The following SMARCE1 variants were observed in gnomAD, a reference collection of about 807,000 sequenced individuals.
The protein encoded by SMARCE1 is SWI/SNF related BAF chromatin remodeling complex subunit E1, also known as SWI/SNF-related matrix-associated actin-dependent regulator of chromatin subfamily E member 1.
SMARCE1 carries 13 observed loss-of-function variants against 54.9 expected under a neutral mutation model. That is an observed-to-expected ratio of 0.24 (90% CI 0.15 to 0.38). The LOEUF (loss-of-function observed/expected upper bound fraction) is 0.38, where lower values mean the gene tolerates loss of function less well. Among genes scored for constraint, SMARCE1 ranks in the 10% least tolerant of loss-of-function variants. SMARCE1 has a pLI of 1.00. For synonymous variants in SMARCE1, 151 were observed against 175.3 expected, an observed-to-expected ratio of 0.86 and a Z score of 1.10; for missense variants, 295 against 523.8, an observed-to-expected ratio of 0.56 and a Z score of 4.26.
chr17:40,630,955 T>C, intron 9 of SMARCE1, 31 bp from the exon 10 acceptor site: 1 of 1,568,352 alleles, frequency 6.4e-7, no homozygotes, highest in South Asian at 1.1e-5. Flanking sequence ...CTCCGTAATG[T>C]TTTTTCCTTA....
chr17:40,635,143 C>T (rs2037133440), intron 7 of SMARCE1: 1 of 151,878 alleles, frequency 6.6e-6, no homozygotes, highest in Non-Finnish European at 1.5e-5. Flanking sequence ...TTTGTTACTG[C>T]TACTTTAAGA....
At chr17:40,643,820 CG>C (rs1220122250) in intron 3 of SMARCE1, 1 of 152,116 alleles carries the variant, frequency 6.6e-6, no homozygotes, top group Non-Finnish European at 1.5e-5. Flanking sequence ...GAAAAGAGAA[CG>C]GCTGATCAAT....
intron 4 of SMARCE1, among the ~76,000 whole-genome samples, chr17:40,639,215 T>C (rs2037173916): frequency 1.3e-5 from 2 of 152,160 alleles, no homozygotes; most frequent in African/African-American, 4.8e-5. Flanking sequence ...TATAGTTCTT[T>C]CAAGGGGAAA....
In SMARCE1 at chr17:40,625,167, A is replaced by G. The variant is rs559871262; in HGVS notation, c.*3618T>C. 3.5e-4 allele frequency: 54 copies of G among 152,394 alleles called. No individual in the cohort carries two copies. The highest frequency in any genetic ancestry group is 1.3e-3 in the African/African-American group (53 of 41,598). The allele number at this position is 152,394 out of a possible 1,614,324, so 9.4% of individuals were successfully genotyped here. On this transcript the variant is annotated 3_prime_UTR_variant, in exon 11 of 11. Transcript: ENST00000348513. ...TGAAATTGTACACTGGCAATTTCTT[A>G]TGGTTCAACCTAATAGTAAAACATT... is the stretch of plus-strand genomic sequence containing the variant.
At chr17:40,629,470 G>C (rs2037068662) in intron 10 of SMARCE1, 1 of 1,080,818 alleles carries the variant, frequency 9.3e-7, no homozygotes, top group Non-Finnish European at 1.2e-6. Flanking sequence ...ATGAGAGTTA[G>C]TCTGTAGTGC....
chr17:40,642,282 CTATT>C lies in SMARCE1; in HGVS notation c.156+169_156+172del. 3 of 675,176 alleles carry C rather than the reference CTATT, an allele frequency of 4.4e-6. No individual in the cohort carries two copies. The highest frequency in any genetic ancestry group is 3.2e-5 in the South Asian group (2 of 62,404). 41.8% of individuals were successfully genotyped at this position (675,176 alleles called of 1,614,324 possible). A position where few individuals can be genotyped will look rare whatever the true frequency, so the allele number is the denominator to read the frequency against. On this transcript the variant is annotated intron_variant, in intron 4 of 10. Coordinates refer to ENST00000348513, the MANE Select transcript of SMARCE1 (RefSeq NM_003079.5). The surrounding 1 kb of genome is among the most constrained non-coding windows in gnomAD (Gnocchi z 4.6). ...TCTTCTATATACATTCCAGATCTCA[CTATT>C]TATTTTTTCAGTGTGAGATGCTACA...
chr17:40,638,796 CTAAAG>C (rs1382886483), intron 4 of SMARCE1, among the ~76,000 whole-genome samples: 1 of 152,126 alleles, frequency 6.6e-6, no homozygotes, highest in African/African-American at 2.4e-5. Flanking sequence ...TATAGGAAAA[CTAAAG>C]TAACATTTTG....
chr17:40,644,397 T>TG (rs2037231565), intron 3 of SMARCE1: 1 of 151,932 alleles, frequency 6.6e-6, no homozygotes, highest in Non-Finnish European at 1.5e-5. Context: ...TTTCCAAAGC[T>TG]GAAGTACATG....
In SMARCE1 at chr17:40,629,609, C is replaced by T. The variant is rs1330393559; in HGVS notation, c.1028-616G>A. The T allele has an allele frequency of 3.7e-6, 3 of 810,070 alleles. No individual in the cohort carries two copies. The East Asian group carries it at 1.0e-4, about 27-fold the overall frequency. 50.2% of individuals were successfully genotyped at this position (810,070 alleles called of 1,614,324 possible). A position where few individuals can be genotyped will look rare whatever the true frequency, so the allele number is the denominator to read the frequency against. On this transcript the variant is annotated intron_variant, in intron 10 of 10. Transcript: ENST00000348513. The stretch of plus-strand genomic sequence containing the variant: ...AGCATGAGGTTTTAGCTCTAATAGT[C>T]TCAAACGATTTTCTTCAGGTTTTTT...
chr17:40,627,187 GTTCT>G lies in SMARCE1; in HGVS notation c.*1594_*1597del, dbSNP rs1567844108. On this transcript the variant is annotated 3_prime_UTR_variant, in exon 11 of 11. Coordinates refer to ENST00000348513, the MANE Select transcript of SMARCE1 (RefSeq NM_003079.5). ...AAACAGATCTATTTGATACAAATTC[GTTCT>G]TTGACACACAAGGAAACAGATGTCA... The G allele has an allele frequency of 3.3e-5, 5 of 152,126 alleles. No individual in the cohort carries two copies. The highest frequency in any genetic ancestry group is 9.7e-5 in the African/African-American group (4 of 41,424). 9.4% of individuals were successfully genotyped at this position (152,126 alleles called of 1,614,324 possible). A position where few individuals can be genotyped will look rare whatever the true frequency, so the allele number is the denominator to read the frequency against.
intron 7 of SMARCE1, chr17:40,632,736 G>C (rs1047618843): frequency 2.2e-5 from 4 of 180,966 alleles, no homozygotes; most frequent in Non-Finnish European, 4.6e-5. Context: ...AGTAACTTAA[G>C]GCATTTAACA....
Position 40,631,700 on chromosome 17 carries a change from G to C in SMARCE1, c.715-7C>G. On this transcript the variant is annotated splice_polypyrimidine_tract_variant and splice_region_variant and intron_variant, in intron 8 of 10. Coordinates refer to ENST00000348513, the MANE Select transcript of SMARCE1 (RefSeq NM_003079.5). ...GTTCAGCTTCTAGTTTTCGCTGCAA[G>C]ACAGGATCAGGCTTCATAATTGTGT... is the stretch of plus-strand genomic sequence containing the variant. The C allele has an allele frequency of 6.6e-7, 1 of 1,506,316 alleles. No individual in the cohort carries two copies. The highest frequency in any genetic ancestry group is 9.2e-7 in the Non-Finnish European group (1 of 1,082,418). The allele number at this position is 1,506,316 out of a possible 1,614,324, so 93.3% of individuals were successfully genotyped here.
chr17:40,636,584 AAAT>A lies in SMARCE1; in HGVS notation c.238-61_238-59del, dbSNP rs2037147987. 2.8e-6 allele frequency: 4 copies of A among 1,404,360 alleles called. No individual in the cohort carries two copies. In the Middle Eastern group the frequency reaches 7.4e-4, roughly 259 times the overall value. The allele number at this position is 1,404,360 out of a possible 1,614,324, so 87.0% of individuals were successfully genotyped here. On this transcript the variant is annotated intron_variant, in intron 5 of 10. Coordinates refer to ENST00000348513, the MANE Select transcript of SMARCE1 (RefSeq NM_003079.5). ...GATGTCTAAACGTATAGACCTTTAA[AAAT>A]AGTTTTTAATGTGGAAACTTTTCAA... is the stretch of plus-strand genomic sequence containing the variant.
chr17:40,631,920 T>C (rs1297367208), intron 8 of SMARCE1: 1 of 554,048 alleles, frequency 1.8e-6, no homozygotes, highest in African/African-American at 1.9e-5. Flanking sequence ...ATATTTAGCA[T>C]AGCAGTAAAG....
chr17:40,643,467 T>A (rs1456328709), intron 3 of SMARCE1: 1 of 152,188 alleles, frequency 6.6e-6, no homozygotes. Context: ...GTTGATGTAA[T>A]CACAAATGGG....
intron 5 of SMARCE1, chr17:40,636,775 A>G: frequency 3.0e-6 from 1 of 335,638 alleles, no homozygotes; most frequent in Non-Finnish European, 5.5e-6. Flanking sequence ...CAATTTGATA[A>G]GCAAGAATAT....
rs1007316038 is a variant in SMARCE1 at position 40,625,263 on chromosome 17, T to A, written c.*3522A>T. The A allele has an allele frequency of 1.3e-5, 2 of 152,264 alleles. No individual in the cohort carries two copies. The highest frequency in any genetic ancestry group is 4.8e-5 in the African/African-American group (2 of 41,476). 9.4% of individuals were successfully genotyped at this position (152,264 alleles called of 1,614,324 possible). ...GCTAAACTCAGTATTTTCCTTTCCATCCTGATCAAAGAAACATTATTGCAG... is the reference window on the plus strand; with the variant it reads ...GCTAAACTCAGTATTTTCCTTTCCAACCTGATCAAAGAAACATTATTGCAG... On this transcript the variant is annotated 3_prime_UTR_variant, in exon 11 of 11. Coordinates refer to ENST00000348513, the MANE Select transcript of SMARCE1 (RefSeq NM_003079.5).
intron 1 of SMARCE1, chr17:40,647,312 G>T (rs1301234463): frequency 6.6e-6 from 1 of 152,276 alleles, no homozygotes; most frequent in Non-Finnish European, 1.5e-5. Flanking sequence ...TAAACAACTT[G>T]TCTGAAGCCA....
At chr17:40,636,308 C>T (rs2037145564) in intron 6 of SMARCE1, 87 bp downstream of exon 6, 1 of 1,437,902 alleles carries the variant, frequency 7.0e-7, no homozygotes, top group Non-Finnish European at 9.7e-7. Flanking sequence ...AGTGTTCTGA[C>T]CAAATCTTAT....
Sources: gnomAD v4.1 joint callset for allele counts (sites outside exome capture counted in the v4.1 genomes callset) on GRCh38, gnomAD v4.1.1 for gene constraint, Gnocchi (gnomAD v3.1) non-coding constraint, MANE v1.5 for transcripts, NCBI Gene and HGNC (gene_info 2026-07-23, HGNC 2026-07-21) for gene names.